Variants in FSTL4 observed in about 807,000 individuals in gnomAD.
The protein encoded by FSTL4 is follistatin-related protein 4.
In FSTL4, 28 loss-of-function variants were observed where a neutral mutation model predicts 78.2. The observed-to-expected ratio is 0.36, with a 90% CI of 0.27 to 0.49. FSTL4 has a LOEUF of 0.49. FSTL4 is among the 20% of genes least tolerant of loss of function. The probability of loss-of-function intolerance (pLI) is 0.98; values close to 1 mark genes in which losing one functional copy is unlikely to be tolerated. For missense variants in FSTL4, 922 were observed against 1,084.9 expected (o/e 0.85, Z 2.11); for synonymous variants, 422 against 440.5 (o/e 0.96, Z 0.53).
chr5:133,312,626 G>A (rs1293311502), intron 6 of FSTL4, 28 bp downstream of exon 6: 2 of 1,611,000 alleles, frequency 1.2e-6, no homozygotes, highest in Non-Finnish European at 1.7e-6. Flanking sequence ...GCAGAAATAA[G>A]CCCTTTTCCC....
chr5:133,307,079 C>T (rs948209708), intron 6 of FSTL4, among the ~76,000 whole-genome samples: 1 of 152,184 alleles, frequency 6.6e-6, no homozygotes, highest in Non-Finnish European at 1.5e-5. Flanking sequence ...AAAATTAAAG[C>T]CCAGTTTAAC....
intron 4 of FSTL4, among the ~76,000 whole-genome samples, chr5:133,353,324 C>A (rs1580642915): frequency 6.6e-6 from 1 of 152,248 alleles, no homozygotes; most frequent in African/African-American, 2.4e-5. Flanking sequence ...TGAATGGCTT[C>A]TTTTCTCTCC....
In FSTL4 at chr5:133,223,058, A is replaced by G. The variant is rs955063064; in HGVS notation, c.1339+1132T>C. ...TTTCACATTCCATGGGGCCTCTTGCATTCGTGGTAGGTCTCTACTTCTGAA... is the reference window on the plus strand; with the variant it reads ...TTTCACATTCCATGGGGCCTCTTGCGTTCGTGGTAGGTCTCTACTTCTGAA... On this transcript the variant is annotated intron_variant, in intron 11 of 15. Coordinates refer to ENST00000265342, the MANE Select transcript of FSTL4 (RefSeq NM_015082.2). Among the ~76,000 whole-genome samples the G allele has an allele frequency of 2.9e-4, 44 of 152,166 alleles. 1 individual carries two copies. The highest frequency in any genetic ancestry group is 2.6e-3 in the Admixed American group (39 of 15,276).
the FSTL4 span, among the ~76,000 whole-genome samples, chr5:133,625,771 CAT>C: frequency 0.062 from 600 of 9,678 alleles, 164 homozygotes; most frequent in Admixed American, 0.11. Context: ...ATATATATTC[CAT>C]ATATATATAT....
chr5:133,743,354 C>G, the FSTL4 span, among the ~76,000 whole-genome samples: 1 of 152,230 alleles, frequency 6.6e-6, no homozygotes, highest in Non-Finnish European at 1.5e-5. Flanking sequence ...ATTGGAAAAT[C>G]CTCACCTTGC....
chr5:133,294,229 G>T (rs1753334337), intron 6 of FSTL4, among the ~76,000 whole-genome samples: 1 of 152,152 alleles, frequency 6.6e-6, no homozygotes, highest in African/African-American at 2.4e-5. Context: ...ACTCCCTGGG[G>T]CCAGGGACCA....
At chr5:133,205,844 T>C (rs1049194135) in intron 14 of FSTL4, among the ~76,000 whole-genome samples, 8 of 152,204 alleles carry the variant, frequency 5.3e-5, no homozygotes, top group Non-Finnish European at 1.0e-4. Flanking sequence ...CTAAGGGTCA[T>C]AAGCCAGAAT....
intron 3 of FSTL4, among the ~76,000 whole-genome samples, chr5:133,429,037 G>A (rs1333717564): frequency 1.3e-5 from 2 of 152,210 alleles, no homozygotes; most frequent in African/African-American, 2.4e-5. Flanking sequence ...CCTAAGGATA[G>A]CATAAATCAG....
At chr5:133,841,813 G>T in the FSTL4 span, among the ~76,000 whole-genome samples, 1 of 152,182 alleles carries the variant, frequency 6.6e-6, no homozygotes, top group East Asian at 1.9e-4. Flanking sequence ...TCTTCTCCTC[G>T]CAGGGTCTGC....
rs1022600434 is a variant in FSTL4, at chr5:133,224,164, T to C, written c.1339+26A>G. The stretch of plus-strand genomic sequence containing the variant: ...AACCAAACACACGTGATCACAGGCA[T>C]GACGCAAAACAATGAAGCTTGGTAC... On this transcript the variant is annotated intron_variant, in intron 11 of 15. Transcript: ENST00000265342. The C allele has an allele frequency of 1.9e-6, 3 of 1,602,294 alleles. No individual in the cohort carries two copies. In the African/African-American group the frequency reaches 4.0e-5, roughly 21 times the overall value.
chr5:133,230,147 C>G (rs1043876307), intron 8 of FSTL4, among the ~76,000 whole-genome samples: 1 of 152,190 alleles, frequency 6.6e-6, no homozygotes, highest in Non-Finnish European at 1.5e-5. Context: ...TGGCCAGCAC[C>G]AGGGCTGGAC....
At chr5:133,559,067 A>G (rs1261580538) in intron 3 of FSTL4, among the ~76,000 whole-genome samples, 1 of 152,268 alleles carries the variant, frequency 6.6e-6, no homozygotes, top group African/African-American at 2.4e-5. Context: ...GAGCTTTAAA[A>G]GATGAACTCA....
At chr5:133,641,886 T>A in the FSTL4 span, among the ~76,000 whole-genome samples, 1 of 151,874 alleles carries the variant, frequency 6.6e-6, no homozygotes, top group African/African-American at 2.4e-5. Flanking sequence ...CTTCTCCTTC[T>A]TCCCCCCTCC....
chr5:133,566,436 T>C (rs965533008), intron 3 of FSTL4, among the ~76,000 whole-genome samples: 1 of 152,096 alleles, frequency 6.6e-6, no homozygotes, highest in African/African-American at 2.4e-5. Flanking sequence ...TGGTGAAGGG[T>C]AAAACCAAAG....
chr5:133,775,990 G>C, the FSTL4 span, among the ~76,000 whole-genome samples: 4 of 152,166 alleles, frequency 2.6e-5, no homozygotes, highest in African/African-American at 4.8e-5. Flanking sequence ...CTGATTCCTA[G>C]GAATTGACAT....
the FSTL4 span, among the ~76,000 whole-genome samples, chr5:133,706,361 T>C: frequency 1.3e-5 from 2 of 152,262 alleles, no homozygotes; most frequent in African/African-American, 4.8e-5. Context: ...TGATGGATGA[T>C]ACCTCTTTTA....
At chr5:133,733,406 A>G in the FSTL4 span, among the ~76,000 whole-genome samples, 1 of 152,224 alleles carries the variant, frequency 6.6e-6, no homozygotes, top group Non-Finnish European at 1.5e-5. Flanking sequence ...GATATTCATA[A>G]TCACATGCAC....
chr5:133,643,477 T>C, the FSTL4 span, among the ~76,000 whole-genome samples: 1 of 152,188 alleles, frequency 6.6e-6, no homozygotes, highest in South Asian at 2.1e-4. Flanking sequence ...TTTGTCCTCC[T>C]CCAAACTTCC....
At chr5:133,767,278 G>A in the FSTL4 span, among the ~76,000 whole-genome samples, 3 of 152,304 alleles carry the variant, frequency 2.0e-5, no homozygotes, top group South Asian at 6.2e-4. Flanking sequence ...GCTCTCAGGG[G>A]TGAGGGGGGC....
Sources: gnomAD v4.1 joint callset for allele counts (sites outside exome capture counted in the v4.1 genomes callset) on GRCh38, gnomAD v4.1.1 for gene constraint, MANE v1.5 for transcripts, NCBI Gene and HGNC (gene_info 2026-07-23, HGNC 2026-07-21) for gene names.